CLUL1: variants seen among roughly 807,000 people sequenced by gnomAD.
The protein encoded by CLUL1 is clusterin-like protein 1.
Under a neutral mutation model 49.4 loss-of-function variants are expected in CLUL1, and 43 were observed. The observed-to-expected ratio is 0.87, with a 90% CI of 0.68 to 1.12. The LOEUF (loss-of-function observed/expected upper bound fraction) is 1.12. Ranked by LOEUF, CLUL1 falls within the 50% of genes most tolerant of loss-of-function variation. The probability of loss-of-function intolerance (pLI) is 0.00; values close to 1 mark genes in which losing one functional copy is unlikely to be tolerated. For missense variants in CLUL1, 486 were observed against 544.4 expected (o/e 0.89, Z 1.07); for synonymous variants, 192 against 184.9 (o/e 1.04, Z -0.31).
chr18:642,938 A>G (rs1247447384), intron 8 of CLUL1, among the ~76,000 whole-genome samples: 1 of 152,136 alleles, frequency 6.6e-6, no homozygotes, highest in African/African-American at 2.4e-5. Context: ...TAAAAGTTGC[A>G]CCTGAGAGCA....
rs1177633542 is a variant in CLUL1 at position 619,284 on chromosome 18, A to C, written c.178A>C (p.Lys60Gln). The C allele has an allele frequency of 3.7e-6, 6 of 1,614,116 alleles. No homozygotes were observed. Among genetic ancestry groups the C allele is most frequent in the Non-Finnish European group, 5.1e-6 (6 of 1,179,980 alleles). ...KKALTGIKQMKIMMERKEKEH... is the reference protein window; with the variant it reads ...KKALTGIKQMQIMMERKEKEH... The stretch of plus-strand genomic sequence containing the variant: ...GGCTTTGACTGGTATTAAGCAAATG[A>C]AAATCATGATGGAAAGAAAAGAGAA... Residue 60 changes from lysine (K) to glutamine (Q), a missense_variant, in exon 4 of 10, where the codon AAA becomes CAA. Lys to Gln is a moderately conservative substitution (Grantham distance 53, BLOSUM62 1). Transcript: ENST00000692774.
rs1321975359 is a variant in CLUL1 at position 649,987 on chromosome 18, A to G, written c.*86A>G. The G allele has an allele frequency of 1.1e-6, 1 of 922,314 alleles. No homozygotes were observed. The highest frequency in any genetic ancestry group is 1.7e-6 in the Non-Finnish European group (1 of 586,798). The allele number at this position is 922,314 out of a possible 1,614,324, so 57.1% of individuals were successfully genotyped here. A position where few individuals can be genotyped will look rare whatever the true frequency, so the allele number is the denominator to read the frequency against. ...ATCCTGAAATAAAAAAGGATAATGC[A>G]ATAAACACAGTTGCAGGAAAGTATG... On this transcript the variant is annotated 3_prime_UTR_variant, in exon 10 of 10. Coordinates refer to ENST00000692774, the MANE Select transcript of CLUL1 (RefSeq NM_001393344.1).
chr18:645,780 CG>C (rs754468713), intron 9 of CLUL1, among the ~76,000 whole-genome samples: 8,890 of 79,454 alleles, frequency 0.11, 1,051 homozygotes, highest in East Asian at 0.22. Context: ...GGCGACAGAG[CG>C]AGACTCTGTT....
chr18:597,899 A>C (rs949161751), intron 1 of CLUL1: 1 of 152,204 alleles, frequency 6.6e-6, no homozygotes, highest in Admixed American at 6.5e-5. Context: ...AGGTTAACGA[A>C]GTAAAGAGCT....
At chr18:625,124 A>G (rs2073644426) in intron 5 of CLUL1, 92 bp downstream of exon 5, 2 of 1,301,664 alleles carry the variant, frequency 1.5e-6, no homozygotes, top group South Asian at 2.9e-5. Flanking sequence ...TTTAGAACGG[A>G]GATGCCTGAT....
rs564300071 is a variant in CLUL1 at position 609,955 on chromosome 18, A to G, written c.-14+2856A>G. 2.8e-4 allele frequency among the ~76,000 whole-genome samples: 43 copies of G among 152,166 alleles called. 1 individual carries two copies. Among genetic ancestry groups the G allele is most frequent in the Admixed American group, 1.0e-3 (16 of 15,264 alleles). On this transcript the variant is annotated intron_variant, in intron 2 of 9. Coordinates refer to ENST00000692774, the MANE Select transcript of CLUL1 (RefSeq NM_001393344.1). Reference sequence around the variant, plus strand: ...TTAACAAAACAAGTGAGATATTCCAATACTATATATATGCTCCTGTTTATA... The same window carrying G: ...TTAACAAAACAAGTGAGATATTCCAGTACTATATATATGCTCCTGTTTATA...
At chr18:644,762 A>G in intron 8 of CLUL1, 148 bp from the exon 9 acceptor site, 1 of 534,572 alleles carries the variant, frequency 1.9e-6, no homozygotes, top group East Asian at 3.2e-5. Context: ...ACAAGAAATA[A>G]ATCTTTGTTG....
rs2074340403 is a variant in CLUL1 at position 641,392 on chromosome 18, A to G, written c.1060A>G (p.Asn354Asp). The change falls in exon 8 of 10, where the codon AAT (asparagine) becomes GAT (aspartate). Residue 354 changes from asparagine (N) to aspartate (D), a missense_variant. By Grantham distance (23) the Asn-to-Asp change is conservative (BLOSUM62 1). Coordinates refer to ENST00000692774, the MANE Select transcript of CLUL1 (RefSeq NM_001393344.1). ...GGCGATCAGGTTGGTCAATGTATCC[A>G]ATCAGCAGTATGGCCAGATTCTCCA... ...DEAIRLVNVS[N>D]QQYGQILQMT... 6.2e-7 allele frequency: 1 copy of G among 1,614,108 alleles called. No homozygotes were observed. Among genetic ancestry groups the G allele is most frequent in the South Asian group, 1.1e-5 (1 of 91,092 alleles).
At chr18:645,660 G>A (rs1032126040) in intron 9 of CLUL1, among the ~76,000 whole-genome samples, 35 of 149,862 alleles carry the variant, frequency 2.3e-4, no homozygotes, top group East Asian at 9.8e-4. Context: ...CGGGCGTGGT[G>A]GCGGGCGCCT....
intron 1 of CLUL1, chr18:598,262 G>A: frequency 3.2e-6 from 1 of 315,390 alleles, no homozygotes. Context: ...ATGCATAGAA[G>A]AGGACATGCT....
rs758005346 is a variant in CLUL1, at chr18:627,293, AAG to A, written c.623_624del (p.Glu208ValfsTer2). On this transcript the variant is annotated frameshift_variant, in exon 6 of 10. Transcript: ENST00000692774. LOFTEE classifies it high-confidence loss of function. Reference sequence around the variant, plus strand: ...TTTAACGTCTTCAGACAGATGCAGCAAGAGTTTGACCAGACTTTTCAATCACA... The same window carrying A: ...TTTAACGTCTTCAGACAGATGCAGCAAGTTTGACCAGACTTTTCAATCACA... 14 of 1,613,976 alleles carry A rather than the reference AAG, an allele frequency of 8.7e-6. No individual in the cohort carries two copies. The Admixed American group carries it at 1.7e-4, about 19-fold the overall frequency.
intron 9 of CLUL1, among the ~76,000 whole-genome samples, chr18:645,810 AATATATATATATATATATAT>A (rs35329822): frequency 0.028 from 837 of 29,908 alleles, 108 homozygotes; most frequent in African/African-American, 0.085. Flanking sequence ...AAAAAAAAAA[AATATATATATATATATATAT>A]ATATATATAT....
At chr18:635,503 C>G (rs1309040343) in intron 7 of CLUL1, among the ~76,000 whole-genome samples, 1 of 151,990 alleles carries the variant, frequency 6.6e-6, no homozygotes, top group African/African-American at 2.4e-5. Flanking sequence ...AAAGGAAGTT[C>G]AGAAAAATCA....
At chr18:634,126 A>G (rs1267247454) in intron 7 of CLUL1, among the ~76,000 whole-genome samples, 1 of 151,062 alleles carries the variant, frequency 6.6e-6, no homozygotes, top group Non-Finnish European at 1.5e-5. Context: ...TAGGTTTATA[A>G]ACTGGTGTTT....
At chr18:645,207 A>C in intron 9 of CLUL1, 110 bp downstream of exon 9, 1 of 774,782 alleles carries the variant, frequency 1.3e-6, no homozygotes, top group Non-Finnish European at 1.9e-6. Flanking sequence ...TAACCTCATT[A>C]ATAAAGACAT....
chr18:614,133 C>T (rs1044160137), intron 2 of CLUL1, among the ~76,000 whole-genome samples: 5 of 152,206 alleles, frequency 3.3e-5, no homozygotes, highest in Admixed American at 6.5e-5. Flanking sequence ...ATCTTTATGT[C>T]CATCGGTCCT....
rs1361255799 is a variant in CLUL1 at position 644,996 on chromosome 18, C to T, written c.1296C>T (p.Phe432=). 6.2e-7 allele frequency: 1 copy of T among 1,613,662 alleles called. No homozygotes were observed. Among genetic ancestry groups the T allele is most frequent in the Non-Finnish European group, 8.5e-7 (1 of 1,179,662 alleles). ...TDLSILPSSN[F]TLKIPLEESA... is the part of the protein sequence containing the mutation. ...TAAGCATTCTGCCTTCCTCTAATTT[C>T]ACACTCAAGATCCCTCTTGAAGAAA... Residue 432 remains phenylalanine, a synonymous_variant, in exon 9 of 10, where the codon TTC becomes TTT. Transcript: ENST00000692774.
At chr18:633,122 A>G (rs1319846577) in intron 6 of CLUL1, among the ~76,000 whole-genome samples, 176 bp from the exon 7 acceptor site, 2 of 152,240 alleles carry the variant, frequency 1.3e-5, no homozygotes, top group African/African-American at 2.4e-5. Context: ...CCGCCACTGC[A>G]CTTTAGCCTG....
intron 2 of CLUL1, among the ~76,000 whole-genome samples, chr18:610,173 G>A (rs894193625): frequency 1.3e-5 from 2 of 152,086 alleles, no homozygotes; most frequent in Non-Finnish European, 2.9e-5. Flanking sequence ...ATAATAATGT[G>A]GCCAGAATTT....
Sources: allele counts gnomAD v4.1 joint callset (sites outside exome capture counted in the v4.1 genomes callset), GRCh38; gene constraint gnomAD v4.1.1; transcripts MANE v1.5; gene names NCBI Gene and HGNC (gene_info 2026-07-23, HGNC 2026-07-21).